EIPR1: variants seen among roughly 807,000 people sequenced by gnomAD.
EIPR1 encodes the protein EARP and GARP complex-interacting protein 1.
A neutral mutation model predicts 48.1 loss-of-function variants in EIPR1; 25 were observed. That is an observed-to-expected ratio of 0.52 (90% confidence interval 0.38 to 0.73). The LOEUF (loss-of-function observed/expected upper bound fraction) is 0.73, where lower values mean the gene tolerates loss of function less well. Among genes scored for constraint, EIPR1 ranks in the 30% least tolerant of loss-of-function variants. EIPR1 has a pLI of 0.00. For synonymous variants in EIPR1, 204 were observed against 201.9 expected, an observed-to-expected ratio of 1.01 and a Z score of -0.09; for missense variants, 415 against 506.2, an observed-to-expected ratio of 0.82 and a Z score of 1.73.
At chr2:3,342,780 T>A (rs915488994) in intron 2 of EIPR1, among the ~76,000 whole-genome samples, 13 of 152,248 alleles carry the variant, frequency 8.5e-5, no homozygotes, top group Admixed American at 1.3e-4. Flanking sequence ...TACACTGCAA[T>A]AGAAATGGTC....
intron 2 of EIPR1, among the ~76,000 whole-genome samples, chr2:3,350,558 T>C (rs1220811081): frequency 6.6e-6 from 1 of 152,138 alleles, no homozygotes; most frequent in African/African-American, 2.4e-5. Flanking sequence ...AACACTGAAC[T>C]CAGGACACGA....
At chr2:3,273,946 A>G (rs1263456421) in intron 3 of EIPR1, among the ~76,000 whole-genome samples, 2 of 152,272 alleles carry the variant, frequency 1.3e-5, no homozygotes, top group Non-Finnish European at 2.9e-5. Context: ...GCAACAAAAG[A>G]CTATCACAAT....
intron 4 of EIPR1, among the ~76,000 whole-genome samples, chr2:3,234,649 G>A (rs770378567): frequency 1.6e-4 from 25 of 152,230 alleles, no homozygotes; most frequent in Non-Finnish European, 3.5e-4. Flanking sequence ...CAGCCCCTGC[G>A]TCACTACAGC....
At chr2:3,302,088 C>G (rs1218916505) in intron 3 of EIPR1, among the ~76,000 whole-genome samples, 1 of 152,210 alleles carries the variant, frequency 6.6e-6, no homozygotes, top group East Asian at 1.9e-4. Context: ...CAGAGTGGAA[C>G]TGAATTCAAG....
At chr2:3,272,739 C>A (rs1156719532) in intron 3 of EIPR1, among the ~76,000 whole-genome samples, 1 of 152,156 alleles carries the variant, frequency 6.6e-6, no homozygotes. Context: ...AAATGTGCCA[C>A]AGAGTGGGAC....
intron 3 of EIPR1, among the ~76,000 whole-genome samples, chr2:3,279,712 C>A (rs1377916902): frequency 6.6e-6 from 1 of 152,246 alleles, no homozygotes; most frequent in Non-Finnish European, 1.5e-5. Flanking sequence ...GGGACAGCGG[C>A]CTGCTCATCT....
At chr2:3,228,475 C>T (rs1666134690) in intron 4 of EIPR1, among the ~76,000 whole-genome samples, 1 of 152,180 alleles carries the variant, frequency 6.6e-6, no homozygotes, top group African/African-American at 2.4e-5. Context: ...AAGGGACTTG[C>T]CTTGTCTCAG....
intron 4 of EIPR1, among the ~76,000 whole-genome samples, chr2:3,218,131 G>A (rs372869917): frequency 6.6e-6 from 1 of 151,474 alleles, no homozygotes; most frequent in Non-Finnish European, 1.5e-5. Context: ...CACCCAACAC[G>A]GCCCCGATAC....
chr2:3,299,622 T>TCACA (rs574613479), intron 3 of EIPR1, among the ~76,000 whole-genome samples: 3,773 of 140,848 alleles, frequency 0.027, 41 homozygotes, highest in Admixed American at 0.03. Flanking sequence ...TCTCTCTCTC[T>TCACA]CTCACACACA....
In EIPR1 at chr2:3,305,277, G is replaced by A. The variant is rs536684503; in HGVS notation, c.259+32740C>T. 2.1e-3 allele frequency among the ~76,000 whole-genome samples: 271 copies of A among 130,148 alleles called. 4 individuals are homozygous for A. Among genetic ancestry groups the A allele is most frequent in the African/African-American group, 7.1e-3 (233 of 32,758 alleles). 85.4% of individuals were successfully genotyped at this position (130,148 alleles called of 152,430 possible). On this transcript the variant is annotated intron_variant, in intron 3 of 8. Transcript: ENST00000382125. ...CCGTACAGTTCAGCCCTCCACTCCC[G>A]TCCAGTTCAGCCCTCCAGTCCCGTC...
rs1016564492 is a variant in EIPR1 at position 3,368,031 on chromosome 2, C to T, written c.42+9617G>A. Reference sequence around the variant, plus strand: ...CTGCACTCCAGCCCGGGTGACAGAGCGACTCTGTCTCAAAAAAAGAAAAAA... The same window carrying T: ...CTGCACTCCAGCCCGGGTGACAGAGTGACTCTGTCTCAAAAAAAGAAAAAA... On this transcript the variant is annotated intron_variant, in intron 1 of 8. Coordinates refer to ENST00000382125, the MANE Select transcript of EIPR1 (RefSeq NM_003310.5). Among the ~76,000 whole-genome samples the T allele has an allele frequency of 3.3e-5, 5 of 152,178 alleles. No homozygotes were observed. In the East Asian group the frequency reaches 5.8e-4, roughly 18 times the overall value.
At chr2:3,296,042 C>T (rs1668573838) in intron 3 of EIPR1, among the ~76,000 whole-genome samples, 1 of 123,758 alleles carries the variant, frequency 8.1e-6, no homozygotes, top group Admixed American at 8.2e-5. Context: ...TCTCTACTCA[C>T]ACACACCCTC....
chr2:3,284,403 GGGCACA>G, intron 3 of EIPR1, among the ~76,000 whole-genome samples: 1 of 115,836 alleles, frequency 8.6e-6, no homozygotes, highest in African/African-American at 3.3e-5. Context: ...CACGTAAGCT[GGGCACA>G]TGGAGATGGG....
intron 3 of EIPR1, among the ~76,000 whole-genome samples, chr2:3,332,517 T>C (rs1238539492): frequency 6.6e-6 from 1 of 152,210 alleles, no homozygotes; most frequent in Non-Finnish European, 1.5e-5. Context: ...TGCGTCCTCC[T>C]CGGAGGCCAG....
chr2:3,242,934 T>C (rs1386742132), intron 4 of EIPR1, among the ~76,000 whole-genome samples: 1 of 152,174 alleles, frequency 6.6e-6, no homozygotes, highest in African/African-American at 2.4e-5. Flanking sequence ...AATCACACCG[T>C]TCAGTCCCCA....
chr2:3,311,893 G>A (rs1191649448), intron 3 of EIPR1, among the ~76,000 whole-genome samples: 1 of 152,184 alleles, frequency 6.6e-6, no homozygotes, highest in Non-Finnish European at 1.5e-5. Flanking sequence ...GGGGCACTGG[G>A]GTCCCTGTGC....
intron 3 of EIPR1, among the ~76,000 whole-genome samples, chr2:3,321,044 T>C (rs570703449): frequency 6.6e-6 from 1 of 152,326 alleles, no homozygotes; most frequent in South Asian, 2.1e-4. Flanking sequence ...TGTTTTTATC[T>C]AACATATCTG....
intron 3 of EIPR1, among the ~76,000 whole-genome samples, chr2:3,285,906 T>C (rs7575110): frequency 0.058 from 6,493 of 112,350 alleles, 423 homozygotes; most frequent in Non-Finnish European, 0.079. Flanking sequence ...GACCCTCGCA[T>C]GGAGCAGAAG....
chr2:3,304,842 T>TCCAGTTCAGCCCTCCCCTCCCGC (rs1668874148), intron 3 of EIPR1, among the ~76,000 whole-genome samples: 2 of 101,864 alleles, frequency 2.0e-5, no homozygotes, highest in Non-Finnish European at 2.1e-5. Context: ...TCCAGTCCCG[T>TCCAGTTCAGCCCTCCCCTCCCGC]CCAGTTCAGC....
Sources: allele counts gnomAD v4.1 joint callset (sites outside exome capture counted in the v4.1 genomes callset), GRCh38; gene constraint gnomAD v4.1.1; transcripts MANE v1.5; gene names NCBI Gene and HGNC (gene_info 2026-07-23, HGNC 2026-07-21).